PDLIM5: variants seen among roughly 807,000 people sequenced by gnomAD.
PDLIM5 encodes PDZ and LIM domain protein 5.
A neutral mutation model predicts 64.2 loss-of-function variants in PDLIM5; 34 were observed. The observed-to-expected ratio is 0.53, with a 90% CI of 0.40 to 0.71. The LOEUF is 0.71. Among genes scored for constraint, PDLIM5 ranks in the 30% least tolerant of loss-of-function variants. The probability of loss-of-function intolerance (pLI) is 0.00; values close to 1 mark genes in which losing one functional copy is unlikely to be tolerated. For synonymous variants in PDLIM5, 253 were observed against 269.1 expected (o/e 0.94, Z 0.59); for missense variants, 683 against 733.6 (o/e 0.93, Z 0.80).
chr4:94,643,807 C>T (rs929683251), intron 9 of PDLIM5, among the ~76,000 whole-genome samples: 2 of 152,126 alleles, frequency 1.3e-5, no homozygotes, highest in African/African-American at 4.8e-5. Flanking sequence ...TTTCAAACCT[C>T]TCTCATAAGG....
intron 3 of PDLIM5, among the ~76,000 whole-genome samples, chr4:94,542,235 C>T (rs1316800041): frequency 1.3e-5 from 2 of 152,042 alleles, no homozygotes; most frequent in African/African-American, 4.8e-5. Flanking sequence ...TTGCTTGAAC[C>T]TGGGAGGCAG....
At position 94,585,720 on chromosome 4, in the gene PDLIM5, T is replaced by C. The variant is rs1295252368; in HGVS notation, c.866T>C (p.Ile289Thr). ...CGCTCTTTCCGAATCCTTGCCCAGA[T>C]CACTGGGACTGAACATTGTAAGTGA... ...QSRSFRILAQ[I>T]TGTEHLKESE... The change falls in exon 6 of 13, where the codon ATC (isoleucine) becomes ACC (threonine). Residue 289 changes from isoleucine (I) to threonine (T), a missense_variant. By Grantham distance (89) the Ile-to-Thr change is moderately conservative (BLOSUM62 -1). Transcript: ENST00000317968. 1 of 1,613,262 alleles carries C rather than the reference T, an allele frequency of 6.2e-7. No individual in the cohort carries two copies. Among genetic ancestry groups the C allele is most frequent in the Non-Finnish European group, 8.5e-7 (1 of 1,179,332 alleles).
chr4:94,550,101 T>C (rs1732680857), intron 3 of PDLIM5: 1 of 151,964 alleles, frequency 6.6e-6, no homozygotes, highest in Non-Finnish European at 1.5e-5. Context: ...TATATAGTAA[T>C]GTAATAATAT....
At chr4:94,537,961 T>G (rs1420722007) in intron 3 of PDLIM5, among the ~76,000 whole-genome samples, 1 of 152,198 alleles carries the variant, frequency 6.6e-6, no homozygotes, top group East Asian at 1.9e-4. Flanking sequence ...AGTAAGAATT[T>G]TCGCCATTAA....
At position 94,625,674 on chromosome 4, in the gene PDLIM5, C is replaced by T. The variant is rs370289264; in HGVS notation, c.1108+7483C>T. On this transcript the variant is annotated intron_variant, in intron 8 of 12. Transcript: ENST00000317968. ...TTCACCGTGTTAGCCAGGATGGTCT[C>T]GATCTCCTGACCTTGTGATCTGCCC... Among the ~76,000 whole-genome samples the T allele has an allele frequency of 1.2e-4, 18 of 151,990 alleles. No homozygotes were observed. In the East Asian group the frequency reaches 3.1e-3, roughly 26 times the overall value.
intron 8 of PDLIM5, among the ~76,000 whole-genome samples, chr4:94,621,741 A>C (rs572169187): frequency 5.2e-4 from 79 of 152,372 alleles, no homozygotes; most frequent in African/African-American, 7.0e-4. Flanking sequence ...ATTTGTGAGA[A>C]TAATCAAAGT....
chr4:94,494,910 G>A (rs551027661), intron 2 of PDLIM5, among the ~76,000 whole-genome samples: 4 of 152,000 alleles, frequency 2.6e-5, no homozygotes, highest in East Asian at 3.9e-4. Flanking sequence ...CGCCACGCCC[G>A]GATAATTTTT....
In PDLIM5 at chr4:94,652,415, CG is replaced by C. The variant is rs763663558; in HGVS notation, c.1284-2044del. Among the ~76,000 whole-genome samples the C allele has an allele frequency of 8.5e-5, 13 of 152,306 alleles. No individual in the cohort carries two copies. In the East Asian group the frequency reaches 1.7e-3, roughly 20 times the overall value. ...AATTGAGCCTGGAAGATTTTTCATG[CG>C]TGTATAACCAGTTGCCCACCTGGCG... On this transcript the variant is annotated intron_variant, in intron 9 of 12. Coordinates refer to ENST00000317968, the MANE Select transcript of PDLIM5 (RefSeq NM_006457.5).
intron 1 of PDLIM5, among the ~76,000 whole-genome samples, chr4:94,454,663 C>G (rs377339833): frequency 2.0e-5 from 3 of 152,094 alleles, no homozygotes; most frequent in African/African-American, 7.2e-5. Flanking sequence ...TACCATGTCC[C>G]CATAGGAGGA....
chr4:94,650,739 A>G (rs1464327955), intron 9 of PDLIM5, among the ~76,000 whole-genome samples: 1 of 152,124 alleles, frequency 6.6e-6, no homozygotes, highest in Non-Finnish European at 1.5e-5. Flanking sequence ...AGTTCCTTTC[A>G]CCTTTGTATT....
chr4:94,475,764 G>A (rs1053520524), intron 2 of PDLIM5, among the ~76,000 whole-genome samples: 1 of 152,014 alleles, frequency 6.6e-6, no homozygotes, highest in Non-Finnish European at 1.5e-5. Context: ...GGTTAAGATG[G>A]TTAAAAAATA....
chr4:94,611,336 C>T, intron 7 of PDLIM5: 1 of 658,806 alleles, frequency 1.5e-6, no homozygotes. Flanking sequence ...TTTGAATGAA[C>T]TGTAATGTCA....
intron 8 of PDLIM5, among the ~76,000 whole-genome samples, chr4:94,634,335 G>GT (rs1434073521): frequency 6.6e-6 from 1 of 152,046 alleles, no homozygotes; most frequent in Non-Finnish European, 1.5e-5. Flanking sequence ...TATGTGATGT[G>GT]TTTTTTGTAT....
chr4:94,454,648 G>T (rs1029032563), intron 1 of PDLIM5, among the ~76,000 whole-genome samples: 2 of 152,206 alleles, frequency 1.3e-5, no homozygotes, highest in Non-Finnish European at 2.9e-5. Flanking sequence ...TTTAAGTGTG[G>T]AAAATACCAT....
At chr4:94,584,980 TA>T in intron 5 of PDLIM5, 2 of 1,527,518 alleles carry the variant, frequency 1.3e-6, no homozygotes, top group South Asian at 1.2e-5. Context: ...CTCTGTCAAT[TA>T]AAAGGAAAAT....
intron 9 of PDLIM5, among the ~76,000 whole-genome samples, chr4:94,648,509 A>G (rs928073958): frequency 2.0e-5 from 3 of 152,136 alleles, no homozygotes; most frequent in African/African-American, 7.2e-5. Flanking sequence ...TAGTAGAGAC[A>G]GTCTGGCCTC....
Position 94,588,301 on chromosome 4 carries a change from C to T in PDLIM5, c.920+1857C>T, listed in dbSNP as rs1012241646. The T allele has an allele frequency of 3.4e-5, 13 of 382,840 alleles. No individual in the cohort carries two copies. The East Asian group carries it at 4.9e-4, about 14-fold the overall frequency. 23.7% of individuals were successfully genotyped at this position (382,840 alleles called of 1,614,324 possible). ...ACGGCAGGCCAGGTGCGGTGGCTCA[C>T]GCCTGTAATCCCAGCATTTTGGGAG... On this transcript the variant is annotated intron_variant, in intron 7 of 12. Transcript: ENST00000317968.
chr4:94,508,648 C>T (rs1411308027), intron 2 of PDLIM5, among the ~76,000 whole-genome samples: 1 of 152,140 alleles, frequency 6.6e-6, no homozygotes, highest in African/African-American at 2.4e-5. Flanking sequence ...AATCTGGCAT[C>T]CAGGAGTAAT....
At chr4:94,587,283 CAAA>C (rs5860368) in intron 7 of PDLIM5, 842 of 1,081,132 alleles carry the variant, frequency 7.8e-4, no homozygotes, top group Middle Eastern at 1.9e-3. Context: ...AATGTAAAAC[CAAA>C]AAAAAAAAAA....
Sources: gnomAD v4.1 joint callset for allele counts (sites outside exome capture counted in the v4.1 genomes callset) on GRCh38, gnomAD v4.1.1 for gene constraint, MANE v1.5 for transcripts, NCBI Gene and HGNC (gene_info 2026-07-23, HGNC 2026-07-21) for gene names.